NCKAP5: variants seen among roughly 807,000 people sequenced by gnomAD.
NCKAP5 encodes NCK associated protein 5.
NCKAP5 carries 92 observed loss-of-function variants against 167.0 expected under a neutral mutation model. That is an observed-to-expected ratio of 0.55 (90% CI 0.47 to 0.66). NCKAP5 has a LOEUF of 0.66. Ranked by LOEUF, NCKAP5 falls within the 30% of genes least tolerant of loss-of-function variation. NCKAP5 has a pLI of 0.00. For missense variants in NCKAP5, 2,378 were observed against 2,315.0 expected (o/e 1.03, Z -0.56); for synonymous variants, 891 against 877.4 (o/e 1.02, Z -0.27).
chr2:132,869,926 C>T (rs186130256), intron 9 of NCKAP5, among the ~76,000 whole-genome samples: 89 of 152,216 alleles, frequency 5.8e-4, no homozygotes, highest in African/African-American at 1.7e-3. Flanking sequence ...TTTCTTCCAG[C>T]GAACAACAAA....
chr2:132,720,650 T>A (rs1005196435), intron 19 of NCKAP5, among the ~76,000 whole-genome samples: 3 of 152,116 alleles, frequency 2.0e-5, no homozygotes, highest in Non-Finnish European at 4.4e-5. Flanking sequence ...GCAGCCTCTG[T>A]AAGCTTCCTA....
intron 13 of NCKAP5, among the ~76,000 whole-genome samples, chr2:132,788,704 C>T (rs1683800090): frequency 6.6e-6 from 1 of 152,148 alleles, no homozygotes. Flanking sequence ...TTCATGCAGG[C>T]TTCCTTTCTG....
the NCKAP5 span, among the ~76,000 whole-genome samples, chr2:133,581,737 C>T: frequency 2.0e-5 from 3 of 152,288 alleles, no homozygotes; most frequent in Admixed American, 2.0e-4. Context: ...CTTCAGTTAT[C>T]ACAGACATGC....
At chr2:133,643,329 G>C in the NCKAP5 span, among the ~76,000 whole-genome samples, 1 of 152,060 alleles carries the variant, frequency 6.6e-6, no homozygotes, top group African/African-American at 2.4e-5. Flanking sequence ...AAACTTTTAA[G>C]CTACATTTAT....
intron 4 of NCKAP5, among the ~76,000 whole-genome samples, chr2:133,248,160 G>A (rs1163522534): frequency 6.6e-6 from 1 of 152,152 alleles, no homozygotes; most frequent in Non-Finnish European, 1.5e-5. Flanking sequence ...CACAACTTTC[G>A]TTGATTTCAT....
At chr2:133,383,777 T>C (rs1028510012) in intron 3 of NCKAP5, among the ~76,000 whole-genome samples, 34 of 152,182 alleles carry the variant, frequency 2.2e-4, no homozygotes, top group African/African-American at 5.8e-4. Flanking sequence ...TGAGATGGTA[T>C]CTCATTGTGG....
intron 6 of NCKAP5, among the ~76,000 whole-genome samples, chr2:133,111,948 C>A (rs1334326605): frequency 6.6e-6 from 1 of 152,048 alleles, no homozygotes; most frequent in Admixed American, 6.5e-5. Flanking sequence ...ACAGCCACTG[C>A]CAATAGATAC....
At chr2:133,245,439 T>C (rs113718671) in intron 4 of NCKAP5, among the ~76,000 whole-genome samples, 3,901 of 152,204 alleles carry the variant, frequency 0.026, 153 homozygotes, top group African/African-American at 0.084. Context: ...AGAGGTCTAA[T>C]ATGGGGAAAA....
At chr2:132,796,803 T>A in intron 11 of NCKAP5, 74 bp from the exon 12 acceptor site, 2 of 1,047,994 alleles carry the variant, frequency 1.9e-6, no homozygotes, top group Non-Finnish European at 2.9e-6. Context: ...CTTGGACAGT[T>A]AAATCTCAAA....
intron 6 of NCKAP5, among the ~76,000 whole-genome samples, chr2:133,002,187 C>A (rs1265690455): frequency 6.6e-6 from 1 of 152,134 alleles, no homozygotes; most frequent in East Asian, 1.9e-4. Context: ...AGGCTTTATG[C>A]ACAGTGATAC....
chr2:133,018,641 C>T (rs2078425737), intron 6 of NCKAP5, among the ~76,000 whole-genome samples: 1 of 152,124 alleles, frequency 6.6e-6, no homozygotes, highest in Non-Finnish European at 1.5e-5. Context: ...ACAGCAAGTG[C>T]TCTTATTGCC....
At chr2:133,184,006 A>G (rs2084841097) in intron 5 of NCKAP5, among the ~76,000 whole-genome samples, 1 of 151,972 alleles carries the variant, frequency 6.6e-6, no homozygotes, top group South Asian at 2.1e-4. Context: ...GTACACGTGC[A>G]GGGTTTTTAC....
the NCKAP5 span, among the ~76,000 whole-genome samples, chr2:133,637,528 GA>G: frequency 2.0e-5 from 2 of 101,496 alleles, no homozygotes; most frequent in Non-Finnish European, 3.8e-5. Context: ...AAGCAATCTT[GA>G]AAAAGAAACA....
intron 11 of NCKAP5, among the ~76,000 whole-genome samples, chr2:132,835,811 G>A (rs1051472449): frequency 7.2e-5 from 11 of 152,024 alleles, no homozygotes; most frequent in African/African-American, 2.4e-4. Flanking sequence ...TAAGCAGCTT[G>A]AAACAAAAAA....
At chr2:133,517,199 A>G (rs369797817) in intron 3 of NCKAP5, among the ~76,000 whole-genome samples, 39 of 152,356 alleles carry the variant, frequency 2.6e-4, no homozygotes, top group African/African-American at 8.4e-4. Context: ...GCTGAAGTCT[A>G]CATCAGTTGT....
At position 132,825,217 on chromosome 2, in the gene NCKAP5, C is replaced by T. The variant is rs369054367; in HGVS notation, c.808-28488G>A. ...GACACCGACAAATAATCTCCCTCTCCGGTGTCTCTACATAGGTGAGTGGCT... is the reference window on the plus strand; with the variant it reads ...GACACCGACAAATAATCTCCCTCTCTGGTGTCTCTACATAGGTGAGTGGCT... On this transcript the variant is annotated intron_variant, in intron 11 of 19. Transcript: ENST00000409261. 1.9e-4 allele frequency among the ~76,000 whole-genome samples: 29 copies of T among 152,264 alleles called. No individual in the cohort carries two copies. The East Asian group carries it at 3.7e-3, about 19-fold the overall frequency.
chr2:132,794,642 A>G (rs1425141483), intron 12 of NCKAP5, among the ~76,000 whole-genome samples: 1 of 68,204 alleles, frequency 1.5e-5, no homozygotes, highest in Non-Finnish European at 2.9e-5. Context: ...TCTCAACAAC[A>G]ACAAATACAC....
At position 132,790,108 on chromosome 2, in the gene NCKAP5, C is replaced by G. The variant is rs755466039; in HGVS notation, c.1007G>C (p.Ser336Thr). The change falls in exon 13 of 20, where the codon AGT becomes ACT. Residue 336 changes from serine (S) to threonine (T), a missense_variant. Ser to Thr is a moderately conservative substitution (Grantham distance 58). Around this residue, in one of 3 missense-constraint regions of NCKAP5, gnomAD observed 1,049 missense variants for 1,023.4 expected, o/e 1.02. Transcript: ENST00000409261. ...GCAGGTGCTTGAAAGAGACAGTTCA[C>G]TGCTGCTACTGTAGCTGTTTCGAGG... ...LCPRNSYSSS[S>T]ELSLSSTCSE... 2.5e-6 allele frequency: 4 copies of G among 1,613,582 alleles called. No individual in the cohort carries two copies. In the East Asian group the frequency reaches 8.9e-5, roughly 36 times the overall value.
At chr2:133,609,371 G>A in the NCKAP5 span, among the ~76,000 whole-genome samples, 66 of 152,224 alleles carry the variant, frequency 4.3e-4, no homozygotes, top group African/African-American at 1.3e-3. Context: ...ATATGTTCAC[G>A]GTTTTGTTTT....
Sources: allele counts gnomAD v4.1 joint callset (sites outside exome capture counted in the v4.1 genomes callset), GRCh38; gene constraint gnomAD v4.1.1; regional missense constraint gnomAD v4.1.1; transcripts MANE v1.5; gene names NCBI Gene and HGNC (gene_info 2026-07-23, HGNC 2026-07-21).